OTOGL: variants seen among roughly 807,000 people sequenced by gnomAD.
OTOGL encodes the protein otogelin like.
Under a neutral mutation model 318.5 loss-of-function variants are expected in OTOGL, and 285 were observed. That is an observed-to-expected ratio of 0.89 (90% CI 0.81 to 0.99). OTOGL has a LOEUF of 0.99. Among genes scored for constraint, OTOGL ranks in the 50% least tolerant of loss-of-function variants. OTOGL has a pLI of 0.00. For missense variants in OTOGL, 2,899 were observed against 2,845.6 expected, an observed-to-expected ratio of 1.02 and a Z score of -0.43; for synonymous variants, 987 against 936.5, an observed-to-expected ratio of 1.05 and a Z score of -0.99.
At chr12:80,248,525 G>T (rs372426186) in intron 11 of OTOGL, among the ~76,000 whole-genome samples, 1 of 125,510 alleles carries the variant, frequency 8.0e-6, no homozygotes, top group African/African-American at 3.2e-5. Flanking sequence ...GGTTTCTGCC[G>T]AGAGATCCGC....
intron 1 of OTOGL, among the ~76,000 whole-genome samples, chr12:80,186,104 C>A (rs1481141439): frequency 2.0e-5 from 3 of 152,124 alleles, no homozygotes; most frequent in African/African-American, 7.2e-5. Context: ...TTATCTTTTA[C>A]CCCTTATATC....
Position 80,239,437 on chromosome 12 carries a change from C to T in OTOGL, c.1050C>T (p.Cys350=). 1 of 1,556,428 alleles carries T rather than the reference C, an allele frequency of 6.4e-7. No individual in the cohort carries two copies. Among genetic ancestry groups the T allele is most frequent in the Non-Finnish European group, 8.7e-7 (1 of 1,145,522 alleles). ...LYIASCVNDL[C]KTDDDETYCR... Reference sequence around the variant, plus strand: ...TTGCCAGCTGTGTTAATGATCTTTGCAAGTAAGTGAAATGACTTGTAGTTG... The same window carrying T: ...TTGCCAGCTGTGTTAATGATCTTTGTAAGTAAGTGAAATGACTTGTAGTTG... Residue 350 remains cysteine (C), a splice_region_variant and synonymous_variant, in exon 11 of 59, where the codon TGC becomes TGT. Coordinates refer to ENST00000547103, the MANE Select transcript of OTOGL (RefSeq NM_001378609.3).
At chr12:80,224,586 T>A (rs934159084) in intron 7 of OTOGL, among the ~76,000 whole-genome samples, 7 of 152,182 alleles carry the variant, frequency 4.6e-5, no homozygotes, top group African/African-American at 1.2e-4. Context: ...TGTCTATGAT[T>A]TCTTTCAGCA....
chr12:80,289,884 C>T (rs1190686435), intron 26 of OTOGL, among the ~76,000 whole-genome samples: 1 of 152,124 alleles, frequency 6.6e-6, no homozygotes, highest in African/African-American at 2.4e-5. Flanking sequence ...TGGCTTCAAC[C>T]CCCTTTCCAG....
chr12:80,244,233 A>G (rs1880657996), intron 11 of OTOGL, among the ~76,000 whole-genome samples: 1 of 150,218 alleles, frequency 6.7e-6, no homozygotes, highest in Non-Finnish European at 1.5e-5. Flanking sequence ...GGTTAGTTAC[A>G]TATGTATACA....
chr12:80,370,389 T>C (rs1485285485), intron 55 of OTOGL, among the ~76,000 whole-genome samples, 181 bp from the exon 56 acceptor site: 1 of 146,860 alleles, frequency 6.8e-6, no homozygotes, highest in African/African-American at 2.5e-5. Flanking sequence ...GTATACACTA[T>C]ACACGTGTAT....
intron 42 of OTOGL, among the ~76,000 whole-genome samples, 195 bp downstream of exon 42, chr12:80,337,199 T>C (rs1888467947): frequency 6.6e-6 from 1 of 152,014 alleles, no homozygotes; most frequent in South Asian, 2.1e-4. Flanking sequence ...TTATTGCAAA[T>C]ATTTTCCCCT....
chr12:80,230,809 A>ATAAGGGGTT (rs1159881498), intron 8 of OTOGL, among the ~76,000 whole-genome samples: 2 of 152,218 alleles, frequency 1.3e-5, no homozygotes, highest in African/African-American at 4.8e-5. Flanking sequence ...CACCTGTGAA[A>ATAAGGGGTT]TAAGGGGTTT....
chr12:80,226,363 T>C (rs1421232604), intron 7 of OTOGL, among the ~76,000 whole-genome samples: 1 of 152,150 alleles, frequency 6.6e-6, no homozygotes, highest in East Asian at 1.9e-4. Flanking sequence ...TACTTGTATA[T>C]TTTTCTAGAG....
chr12:80,194,093 A>G (rs758247039), intron 1 of OTOGL, among the ~76,000 whole-genome samples: 1 of 152,192 alleles, frequency 6.6e-6, no homozygotes, highest in African/African-American at 2.4e-5. Flanking sequence ...GGAATCTTGG[A>G]AAGCTAATAA....
At chr12:80,311,980 A>G (rs1051643927) in intron 30 of OTOGL, among the ~76,000 whole-genome samples, 1 of 152,188 alleles carries the variant, frequency 6.6e-6, no homozygotes, top group South Asian at 2.1e-4. Context: ...CACATGACCA[A>G]TGCATGATGT....
rs1240972517 is a variant in OTOGL, at chr12:80,211,989, G to A, written c.160G>A (p.Ala54Thr). 2 of 1,576,674 alleles carry A rather than the reference G, an allele frequency of 1.3e-6. No individual in the cohort carries two copies. Among genetic ancestry groups the A allele is most frequent in the Non-Finnish European group, 1.7e-6 (2 of 1,167,766 alleles). ...NENRQKRALL[A>T]AQFEATSPRY... is the part of the protein sequence containing the mutation. ...AAATCGACAGAAAAGAGCTCTTTTA[G>A]CAGCACAGGTAGGTTATGCTTCAGG... is the stretch of plus-strand genomic sequence containing the variant. Residue 54 changes from alanine to threonine, a missense_variant, in exon 4 of 59, where the codon GCA becomes ACA. By Grantham distance (58) the Ala-to-Thr change is moderately conservative. This residue lies in a region of OTOGL where 2,607 missense variants were observed against 2,524.9 expected (regional missense o/e 1.03). Transcript: ENST00000547103.
intron 1 of OTOGL, among the ~76,000 whole-genome samples, chr12:80,105,262 GA>G (rs1230276997): frequency 6.6e-6 from 1 of 152,082 alleles, no homozygotes; most frequent in Admixed American, 6.5e-5. Flanking sequence ...CATATGTGGA[GA>G]AAAAGTCGCA....
At chr12:80,327,529 A>G (rs1207589072) in intron 35 of OTOGL, among the ~76,000 whole-genome samples, 1 of 152,062 alleles carries the variant, frequency 6.6e-6, no homozygotes, top group African/African-American at 2.4e-5. Flanking sequence ...GAGATCACTA[A>G]TATCTTTTCA....
intron 27 of OTOGL, among the ~76,000 whole-genome samples, chr12:80,301,342 C>G (rs1885745839): frequency 6.6e-6 from 1 of 152,222 alleles, no homozygotes; most frequent in African/African-American, 2.4e-5. Context: ...TCTCATTTCT[C>G]TCTGCTTTAT....
At chr12:80,267,380 A>G in intron 22 of OTOGL, 53 bp downstream of exon 22, 1 of 988,016 alleles carries the variant, frequency 1.0e-6, no homozygotes, top group Non-Finnish European at 1.4e-6. Context: ...GTTCTAATAT[A>G]ATTCTTTCTT....
chr12:80,341,279 A>C (rs1013820299), intron 43 of OTOGL, among the ~76,000 whole-genome samples: 4 of 152,236 alleles, frequency 2.6e-5, no homozygotes, highest in African/African-American at 9.6e-5. Context: ...AGGAAGGGAA[A>C]TTGCCTGTGT....
chr12:80,210,518 G>A (rs1331184562), intron 2 of OTOGL, among the ~76,000 whole-genome samples: 4 of 152,062 alleles, frequency 2.6e-5, no homozygotes, highest in African/African-American at 9.7e-5. Context: ...TCATTTTATG[G>A]TGTGCTTGGC....
chr12:80,120,426 T>C (rs1870421144), intron 1 of OTOGL, among the ~76,000 whole-genome samples: 1 of 152,288 alleles, frequency 6.6e-6, no homozygotes, highest in Non-Finnish European at 1.5e-5. Context: ...TACCTGTTGT[T>C]ATATAATTAG....
Sources: allele counts gnomAD v4.1 joint callset (sites outside exome capture counted in the v4.1 genomes callset), GRCh38; gene constraint gnomAD v4.1.1; regional missense constraint gnomAD v4.1.1; transcripts MANE v1.5; gene names NCBI Gene and HGNC (gene_info 2026-07-23, HGNC 2026-07-21).